The following DENND4C variants were observed in gnomAD, a reference collection of about 807,000 sequenced individuals.
DENND4C encodes the protein DENN domain-containing protein 4C.
DENND4C carries 108 observed loss-of-function variants against 203.0 expected under a neutral mutation model. The ratio of observed to expected loss-of-function variants is 0.53; its 90% CI spans 0.46 to 0.62. The LOEUF (loss-of-function observed/expected upper bound fraction) is 0.62, where lower values mean the gene tolerates loss of function less well. DENND4C is among the 20% of genes least tolerant of loss of function. The probability of loss-of-function intolerance (pLI) is 0.00; values close to 1 mark genes in which losing one functional copy is unlikely to be tolerated. For synonymous variants in DENND4C, 871 were observed against 792.4 expected (o/e 1.10, Z -1.67); for missense variants, 2,481 against 2,301.2 (o/e 1.08, Z -1.60).
intron 1 of DENND4C, among the ~76,000 whole-genome samples, chr9:19,269,183 A>T (rs1831122819): frequency 6.6e-6 from 1 of 150,456 alleles, no homozygotes; most frequent in Non-Finnish European, 1.5e-5. Context: ...TTGTTTTGAG[A>T]TGGAGTTTCG....
chr9:19,360,746 AT>A (rs1826288026), intron 29 of DENND4C, among the ~76,000 whole-genome samples: 1 of 152,182 alleles, frequency 6.6e-6, no homozygotes, highest in African/African-American at 2.4e-5. Context: ...AAGCTGTCAC[AT>A]CTACTTTCTA....
At chr9:19,238,855 G>T (rs1019991081) in intron 1 of DENND4C, among the ~76,000 whole-genome samples, 2 of 150,550 alleles carry the variant, frequency 1.3e-5, no homozygotes, top group African/African-American at 2.4e-5. Context: ...GTTTCACTAT[G>T]TTGGTCAGGC....
intron 24 of DENND4C, among the ~76,000 whole-genome samples, chr9:19,351,524 CA>C (rs1014871606): frequency 1.3e-5 from 2 of 151,926 alleles, no homozygotes; most frequent in Non-Finnish European, 2.9e-5. Context: ...TTAAAATGTC[CA>C]AACCGGACAC....
chr9:19,332,085 G>A lies in DENND4C; in HGVS notation c.2361G>A (p.Pro787=), dbSNP rs1233701401. The change falls in exon 17 of 33, where the codon CCG becomes CCA. Residue 787 remains proline, a synonymous_variant. Transcript: ENST00000434457. ...ACAGTTTATGGTTTATTTGTCTTCC[G>A]GCCTATGTTAGAGTTTCTCATCCTA... The part of the protein sequence containing the change: ...HCYSLWFICL[P]AYVRVSHPKV... 4 of 1,613,944 alleles carry A rather than the reference G, an allele frequency of 2.5e-6. No individual in the cohort carries two copies. Among genetic ancestry groups the A allele is most frequent in the East Asian group, 2.2e-5 (1 of 44,854 alleles).
chr9:19,294,947 GA>G (rs1481433719), intron 5 of DENND4C, among the ~76,000 whole-genome samples: 1 of 152,168 alleles, frequency 6.6e-6, no homozygotes, highest in Non-Finnish European at 1.5e-5. Context: ...TTGGGGTAAT[GA>G]AAAAAGTTCT....
chr9:19,369,139 C>G (rs1474704940), intron 30 of DENND4C, among the ~76,000 whole-genome samples: 1 of 151,974 alleles, frequency 6.6e-6, no homozygotes. Context: ...GCGATCCTGT[C>G]TCCAAAAATT....
chr9:19,305,426 A>G lies in DENND4C; in HGVS notation c.1386A>G (p.Ala462=). ...TTTCACTGGCTGCAGTGCTTAGTGC[A>G]CCTTTACCATTTATAGTTGGAGTTG... is the stretch of plus-strand genomic sequence containing the variant. ...CPLSLAAVLS[A]PLPFIVGVDS... The change falls in exon 10 of 33, where the codon GCA becomes GCG. Residue 462 remains alanine, a synonymous_variant. Transcript: ENST00000434457. 1.2e-6 allele frequency: 2 copies of G among 1,613,950 alleles called. No homozygotes were observed. Among genetic ancestry groups the G allele is most frequent in the Non-Finnish European group, 1.7e-6 (2 of 1,179,932 alleles).
intron 13 of DENND4C, among the ~76,000 whole-genome samples, chr9:19,325,656 G>A (rs566440769): frequency 4.1e-4 from 63 of 152,194 alleles, no homozygotes; most frequent in Non-Finnish European, 7.4e-4. Flanking sequence ...TAATAATAAT[G>A]AAATTTTTTA....
intron 1 of DENND4C, among the ~76,000 whole-genome samples, chr9:19,263,882 A>G (rs10811154): frequency 0.5 from 76,016 of 151,526 alleles, 19,832 homozygotes; most frequent in South Asian, 0.66. Context: ...CTGGTCTCGA[A>G]CTCCTGACCT....
At chr9:19,339,865 CTTAT>C (rs978514779) in intron 20 of DENND4C, among the ~76,000 whole-genome samples, 2 of 151,834 alleles carry the variant, frequency 1.3e-5, no homozygotes, top group African/African-American at 4.8e-5. Flanking sequence ...CTATTTTTTT[CTTAT>C]TTATTATCAG....
At chr9:19,294,701 C>T (rs1837069799) in intron 5 of DENND4C, among the ~76,000 whole-genome samples, 1 of 152,292 alleles carries the variant, frequency 6.6e-6, no homozygotes, top group Middle Eastern at 3.4e-3. Context: ...ATTATGATTT[C>T]TTCCTTAACA....
chr9:19,302,108 T>G (rs945606633), intron 9 of DENND4C, among the ~76,000 whole-genome samples: 48 of 152,162 alleles, frequency 3.2e-4, no homozygotes, highest in Non-Finnish European at 8.8e-5. Flanking sequence ...CCAGAGTATA[T>G]GAGGTTTATG....
At chr9:19,352,019 CA>C (rs1268831681) in intron 24 of DENND4C, 53 bp from the exon 25 acceptor site, 2 of 1,502,478 alleles carry the variant, frequency 1.3e-6, no homozygotes, top group African/African-American at 1.4e-5. Context: ...CATGCATTTT[CA>C]AAAAACAAGG....
Position 19,358,204 on chromosome 9 carries a change from T to G in DENND4C, c.5160+44T>G, listed in dbSNP as rs752114715. 28 of 1,486,932 alleles carry G rather than the reference T, an allele frequency of 1.9e-5. No individual in the cohort carries two copies. The highest frequency in any genetic ancestry group is 2.5e-5 in the Non-Finnish European group (27 of 1,075,634). 92.1% of individuals were successfully genotyped at this position (1,486,932 alleles called of 1,614,324 possible). On this transcript the variant is annotated intron_variant, in intron 28 of 32. Transcript: ENST00000434457. This position sits in a 1 kb window ranked among gnomAD's most constrained non-coding sequence, Gnocchi z 4.8. ...ATTGTAATTATACTGCATACACACC[T>G]AAGTATATAGTAGAACATTATAAAT... is the stretch of plus-strand genomic sequence containing the variant.
rs146086912 is a variant in DENND4C, at chr9:19,311,334, C to A, written c.1488-5083C>A. Among the ~76,000 whole-genome samples, 1,069 of 152,264 alleles carry A rather than the reference C, an allele frequency of 7.0e-3. 12 individuals carry two copies. The highest frequency in any genetic ancestry group is 0.024 in the African/African-American group (980 of 41,558). On this transcript the variant is annotated intron_variant, in intron 10 of 32. Coordinates refer to ENST00000434457, the MANE Select transcript of DENND4C (RefSeq NM_001330640.2). ...AGAGACAGGATTTCACCATGTTGGC[C>A]AAGCTGGTCTGGAACTCCTGACCTC...
At chr9:19,290,913 C>T (rs745627043) in intron 5 of DENND4C, 37 bp downstream of exon 5, 2 of 1,568,554 alleles carry the variant, frequency 1.3e-6, no homozygotes, top group South Asian at 2.3e-5. Context: ...ACATTTTGTC[C>T]ATGTTTTTAT....
Position 19,336,345 on chromosome 9 carries a change from C to T in DENND4C, c.2665C>T (p.Arg889Cys), listed in dbSNP as rs776785128. The stretch of plus-strand genomic sequence containing the variant: ...ATGGACGAAGGTACGGAATGTGGTA[C>T]GTGGCTTGGCACAGTTTAGGCAGCC... ...FLWTKVRNVV[R>C]GLAQFRQPLK... The change falls in exon 19 of 33, where the codon CGT (arginine) becomes TGT (cysteine). Residue 889 changes from arginine (R) to cysteine (C), a missense_variant. By Grantham distance (180) the Arg-to-Cys change is radical (BLOSUM62 -3). This residue lies in a region of DENND4C where 2,289 missense variants were observed against 2,113.3 expected (regional missense o/e 1.08). Transcript: ENST00000434457. 6.2e-6 allele frequency: 10 copies of T among 1,613,896 alleles called. No individual in the cohort carries two copies. The highest frequency in any genetic ancestry group is 3.3e-5 in the Admixed American group (2 of 59,968).
intron 15 of DENND4C, 110 bp from the exon 16 acceptor site, chr9:19,327,920 A>C: frequency 9.6e-7 from 1 of 1,046,642 alleles, no homozygotes; most frequent in East Asian, 2.7e-5. Flanking sequence ...TAAGCATTTA[A>C]AATAATGTTG....
chr9:19,363,426 T>TG (rs1282715892), intron 30 of DENND4C, among the ~76,000 whole-genome samples: 1 of 151,930 alleles, frequency 6.6e-6, no homozygotes, highest in East Asian at 1.9e-4. Context: ...GGCAGACAAT[T>TG]GCTTGAACCC....
Sources: allele counts gnomAD v4.1 joint callset (sites outside exome capture counted in the v4.1 genomes callset), GRCh38; gene constraint gnomAD v4.1.1; regional missense constraint gnomAD v4.1.1; non-coding constraint Gnocchi (gnomAD v3.1); transcripts MANE v1.5; gene names NCBI Gene and HGNC (gene_info 2026-07-23, HGNC 2026-07-21).